The following ERAP1 variants were observed in gnomAD, a reference collection of about 807,000 sequenced individuals.
The protein encoded by ERAP1 is endoplasmic reticulum aminopeptidase 1, also known as adipocyte-derived leucine aminopeptidase.
ERAP1 carries 86 observed loss-of-function variants against 103.7 expected under a neutral mutation model. The ratio of observed to expected loss-of-function variants is 0.83; its 90% confidence interval spans 0.70 to 0.99. The LOEUF is 0.99. ERAP1 is among the 50% of genes least tolerant of loss of function. The pLI, the probability that ERAP1 is intolerant of heterozygous loss-of-function variation, is 0.00. For missense variants in ERAP1, 1,009 were observed against 1,128.4 expected (o/e 0.89, Z 1.52); for synonymous variants, 398 against 402.4 (o/e 0.99, Z 0.13).
At chr5:96,832,436 T>C in the ERAP1 span, among the ~76,000 whole-genome samples, 1 of 152,324 alleles carries the variant, frequency 6.6e-6, no homozygotes, top group East Asian at 1.9e-4. Context: ...AAAGTCTTGA[T>C]TAAATTGAGT....
chr5:96,901,507 T>A, the ERAP1 span: 1 of 1,613,090 alleles, frequency 6.2e-7, no homozygotes, highest in Non-Finnish European at 8.5e-7. Flanking sequence ...TCATTTCAGC[T>A]CGCCTTTCTG....
chr5:96,775,152 T>G lies in ERAP1; in HGVS notation c.*1244A>C, dbSNP rs1386085953. ...TTCTTAGGGTATTAACTGACTTGAC[T>G]TGAACTCCGTTGGTTTACCATGTTA... On this transcript the variant is annotated 3_prime_UTR_variant, in exon 19 of 19. Coordinates refer to ENST00000443439, the MANE Select transcript of ERAP1 (RefSeq NM_001040458.3). 1 of 985,520 alleles carries G rather than the reference T, an allele frequency of 1.0e-6. No individual in the cohort carries two copies. Among genetic ancestry groups the G allele is most frequent in the Non-Finnish European group, 1.2e-6 (1 of 829,936 alleles). The allele number at this position is 985,520 out of a possible 1,614,324, so 61.0% of individuals were successfully genotyped here.
rs1774334867 is a variant in ERAP1 at position 96,776,556 on chromosome 5, T to G, written c.2671-5A>C. 6.2e-7 allele frequency: 1 copy of G among 1,613,178 alleles called. No individual in the cohort carries two copies. The highest frequency in any genetic ancestry group is 8.5e-7 in the Non-Finnish European group (1 of 1,179,630). ...AGAGCTGAAGAATCCTTTTACCTTG[T>G]GAGGAAAAAGTGGGTTTTAAAAAAT... On this transcript the variant is annotated splice_polypyrimidine_tract_variant and splice_region_variant and intron_variant, in intron 18 of 18. Transcript: ENST00000443439.
intron 14 of ERAP1, among the ~76,000 whole-genome samples, 170 bp downstream of exon 14, chr5:96,783,754 C>CT (rs5869731): frequency 1 from 152,224 of 152,224 alleles, 76,112 homozygotes; most frequent in Non-Finnish European, 1. Context: ...AAACCAAAAT[C>CT]TTGCTAGTCC....
At chr5:96,934,587 G>A in the ERAP1 span, 1 of 152,296 alleles carries the variant, frequency 6.6e-6, no homozygotes, top group Admixed American at 6.5e-5. Flanking sequence ...GAAGTTTCAA[G>A]TAGAGCGTGC....
intron 7 of ERAP1, 77 bp downstream of exon 7, chr5:96,793,323 G>T: frequency 1.0e-6 from 1 of 992,412 alleles, no homozygotes. Flanking sequence ...TATAATCAAA[G>T]ATTAGTGAAT....
At chr5:96,807,992 A>T, upstream of ERAP1, 3 of 985,606 alleles carry the variant, frequency 3.0e-6, no homozygotes, top group Non-Finnish European at 3.6e-6. Flanking sequence ...CTTCGGCCCG[A>T]GCCCTAGCGG....
chr5:96,886,094 G>A, the ERAP1 span, among the ~76,000 whole-genome samples: 3 of 152,208 alleles, frequency 2.0e-5, no homozygotes, highest in Admixed American at 6.5e-5. Flanking sequence ...TGGTCCTACC[G>A]TGGAACTAGC....
the ERAP1 span, among the ~76,000 whole-genome samples, chr5:96,931,726 C>T: frequency 2.6e-5 from 4 of 152,162 alleles, no homozygotes; most frequent in African/African-American, 9.7e-5. Context: ...CCCCTGCTCT[C>T]AAGAAAGAGA....
chr5:96,871,513 A>C, the ERAP1 span, among the ~76,000 whole-genome samples: 1 of 152,240 alleles, frequency 6.6e-6, no homozygotes, highest in African/African-American at 2.4e-5. Context: ...GGTTGAAAGC[A>C]TGCAAATTTA....
At chr5:96,900,242 T>C in the ERAP1 span, 4 of 1,609,382 alleles carry the variant, frequency 2.5e-6, no homozygotes, top group Admixed American at 1.7e-5. Context: ...TAGCCTGACC[T>C]AGAGTGAGTA....
the ERAP1 span, among the ~76,000 whole-genome samples, chr5:96,825,163 T>C: frequency 6.6e-6 from 1 of 152,258 alleles, no homozygotes; most frequent in Non-Finnish European, 1.5e-5. Flanking sequence ...CTCTGCACCC[T>C]ACAAATTTTG....
At chr5:96,913,480 T>C in the ERAP1 span, 2 of 1,612,960 alleles carry the variant, frequency 1.2e-6, no homozygotes, top group East Asian at 2.2e-5. Context: ...TTTCATCCAA[T>C]GTTTGTTCTT....
At chr5:96,927,615 T>C in the ERAP1 span, among the ~76,000 whole-genome samples, 1 of 152,036 alleles carries the variant, frequency 6.6e-6, no homozygotes, top group African/African-American at 2.4e-5. Flanking sequence ...GCCTCCCAAG[T>C]AGCTGGGACT....
chr5:96,915,713 A>C, the ERAP1 span: 2 of 1,593,802 alleles, frequency 1.3e-6, no homozygotes, highest in Non-Finnish European at 1.7e-6. Context: ...ATATGACATA[A>C]GGATGATCAT....
chr5:96,800,811 C>A, intron 3 of ERAP1, 51 bp downstream of exon 3: 1 of 1,606,338 alleles, frequency 6.2e-7, no homozygotes, highest in East Asian at 2.2e-5. Flanking sequence ...GTGCAAGTCA[C>A]AGAGAATCAG....
the ERAP1 span, chr5:96,889,613 G>A: frequency 7.1e-3 from 4,603 of 651,076 alleles, 25 homozygotes; most frequent in Non-Finnish European, 8.3e-3. Context: ...CAGGTAGAGG[G>A]TCCAGGAAAG....
upstream of ERAP1, among the ~76,000 whole-genome samples, chr5:96,811,558 C>A (rs986226310): frequency 1.3e-4 from 20 of 152,208 alleles, no homozygotes; most frequent in Admixed American, 2.0e-4. Context: ...TCCAGCTGTC[C>A]TGAGCAAATC....
the ERAP1 span, among the ~76,000 whole-genome samples, chr5:96,860,894 A>G: frequency 4.6e-5 from 7 of 152,186 alleles, no homozygotes; most frequent in African/African-American, 1.7e-4. Context: ...CCAATGCAGT[A>G]ATGTGCGACT....
Sources: gnomAD v4.1 joint callset for allele counts (sites outside exome capture counted in the v4.1 genomes callset) on GRCh38, gnomAD v4.1.1 for gene constraint, MANE v1.5 for transcripts, NCBI Gene and HGNC (gene_info 2026-07-23, HGNC 2026-07-21) for gene names.